The following BLM variants were observed in gnomAD, a reference collection of about 807,000 sequenced individuals.
The protein encoded by BLM is recQ-like DNA helicase BLM.
In BLM, 95 loss-of-function variants were observed where a neutral mutation model predicts 135.3. The ratio of observed to expected loss-of-function variants is 0.70; its 90% confidence interval spans 0.59 to 0.83. The LOEUF is 0.83. Ranked by LOEUF, BLM falls within the 40% of genes least tolerant of loss-of-function variation. The pLI, the probability that BLM is intolerant of heterozygous loss-of-function variation, is 0.00. For synonymous variants in BLM, 520 were observed against 589.2 expected, an observed-to-expected ratio of 0.88 and a Z score of 1.70; for missense variants, 1,518 against 1,663.9, an observed-to-expected ratio of 0.91 and a Z score of 1.53.
intron 5 of BLM, among the ~76,000 whole-genome samples, chr15:90,758,425 T>G (rs1357731282): frequency 6.6e-6 from 1 of 152,148 alleles, no homozygotes; most frequent in African/African-American, 2.4e-5. Context: ...AAACGGAGGT[T>G]GCAGTAAGCC....
At position 90,765,386 on chromosome 15, in the gene BLM, A is replaced by G. The variant is rs1896096525; in HGVS notation, c.2165A>G (p.Asp722Gly). The G allele has an allele frequency of 1.9e-6, 3 of 1,611,766 alleles. No individual in the cohort carries two copies. The highest frequency in any genetic ancestry group is 1.7e-5 in the Admixed American group (1 of 60,024). The part of the protein sequence containing the change: ...VISPLRSLIV[D>G]QVQKLTSLDI... ...TCTCCCTTGAGATCACTTATCGTAG[A>G]TCAAGTCCAAAAGCTGACTTCCTTG... The change falls in exon 9 of 22, where the codon GAT (aspartate) becomes GGT (glycine). Residue 722 changes from aspartate to glycine, a missense_variant. By Grantham distance (94) the Asp-to-Gly change is moderately conservative (BLOSUM62 -1). Transcript: ENST00000355112.
intron 20 of BLM, 50 bp downstream of exon 20, chr15:90,809,309 G>T (rs764782002): frequency 6.2e-7 from 1 of 1,613,022 alleles, no homozygotes; most frequent in South Asian, 1.1e-5. Context: ...AATGTGAAGC[G>T]ACGCGTCTCA....
intron 1 of BLM, among the ~76,000 whole-genome samples, chr15:90,728,942 G>A (rs562495882): frequency 1.3e-5 from 2 of 152,050 alleles, no homozygotes; most frequent in South Asian, 2.1e-4. Context: ...CAGTTTGGGA[G>A]GCCAAGGTGG....
rs145938925 is a variant in BLM at position 90,728,110 on chromosome 15, T to TA, written c.-5+10671dup. ...TAGAGCAAGTGGTGCAATCACAGCT[T>TA]ACTGCAGCCTCAACCTCCTGGGCTC... On this transcript the variant is annotated intron_variant, in intron 1 of 21. Transcript: ENST00000355112. 8.7e-3 allele frequency among the ~76,000 whole-genome samples: 1,329 copies of TA among 152,188 alleles called. 67 individuals are homozygous for TA. In the East Asian group the frequency reaches 0.16, roughly 19 times the overall value.
At chr15:90,771,595 ATT>A (rs760752305) in intron 12 of BLM, among the ~76,000 whole-genome samples, 14,665 of 125,120 alleles carry the variant, frequency 0.12, 1,033 homozygotes, top group African/African-American at 0.32. Flanking sequence ...TTGATCTATA[ATT>A]TTTTTTTTTT....
rs1895536471 is a variant in BLM, at chr15:90,747,503, A to G, written c.98+13A>G. 1 of 1,553,190 alleles carries G rather than the reference A, an allele frequency of 6.4e-7. No individual in the cohort carries two copies. The highest frequency in any genetic ancestry group is 8.8e-7 in the Non-Finnish European group (1 of 1,131,154). ...AACCAAAATTTTCGTAAGTGTTTTG[A>G]CTGGTTTGCTGTCACATAGGCACTA... is the stretch of plus-strand genomic sequence containing the variant. On this transcript the variant is annotated intron_variant, in intron 2 of 21. Transcript: ENST00000355112.
At chr15:90,780,004 A>G (rs977942236) in intron 12 of BLM, among the ~76,000 whole-genome samples, 10 of 151,910 alleles carry the variant, frequency 6.6e-5, no homozygotes, top group Non-Finnish European at 1.0e-4. Context: ...GATGAAAAGT[A>G]GGATTGGTTT....
rs774551420 is a variant in BLM, at chr15:90,761,097, C to T, written c.1724C>T (p.Ala575Val). ...TGGGAAGACATAATGCATAATTTAG[C>T]AGCCAGCAAATCTTCCACAGCTGCC... ...DDWEDIMHNL[A>V]ASKSSTAAYQ... Residue 575 changes from alanine (A) to valine (V), a missense_variant, in exon 7 of 22, where the codon GCA (alanine) becomes GTA (valine). Coordinates refer to ENST00000355112, the MANE Select transcript of BLM (RefSeq NM_000057.4). The T allele has an allele frequency of 6.5e-7, 1 of 1,549,624 alleles. No homozygotes were observed. Among genetic ancestry groups the T allele is most frequent in the Non-Finnish European group, 8.7e-7 (1 of 1,152,916 alleles).
intron 1 of BLM, among the ~76,000 whole-genome samples, chr15:90,725,781 G>A (rs1030463093): frequency 1.3e-5 from 2 of 151,718 alleles, no homozygotes; most frequent in African/African-American, 2.4e-5. Flanking sequence ...AAAGTGCTGG[G>A]ATTACAGGCG....
Position 90,769,511 on chromosome 15 carries a change from T to C in BLM, c.2480T>C (p.Met827Thr), listed in dbSNP as rs748250819. 6.8e-6 allele frequency: 11 copies of C among 1,613,994 alleles called. No homozygotes were observed. Among genetic ancestry groups the C allele is most frequent in the Non-Finnish European group, 7.6e-6 (9 of 1,179,870 alleles). Residue 827 changes from methionine to threonine, a missense_variant, in exon 12 of 22, where the codon ATG becomes ACG. Met to Thr is a moderately conservative substitution (Grantham distance 81). This residue lies in a region of BLM where 626 missense variants were observed against 681.1 expected (regional missense o/e 0.92). Transcript: ENST00000355112. ...LRQKFPSVPV[M>T]ALTATANPRV... is the part of the protein sequence containing the mutation. ...CAGAAGTTTCCTTCTGTTCCGGTGA[T>C]GGCTCTTACGGCCACAGCTAATCCC...
rs767086502 is a variant in BLM at position 90,769,553 on chromosome 15, T to C, written c.2522T>C (p.Ile841Thr). Residue 841 changes from isoleucine (I) to threonine (T), a missense_variant, in exon 12 of 22, where the codon ATC becomes ACC. Coordinates refer to ENST00000355112, the MANE Select transcript of BLM (RefSeq NM_000057.4). ...GCTAATCCCAGGGTACAGAAGGACATCCTGACTCAGCTGAAGATTCTCAGA... is the reference window on the plus strand; with the variant it reads ...GCTAATCCCAGGGTACAGAAGGACACCCTGACTCAGCTGAAGATTCTCAGA... ...ATANPRVQKD[I>T]LTQLKILRPQ... 2.5e-6 allele frequency: 4 copies of C among 1,614,070 alleles called. No individual in the cohort carries two copies. The South Asian group carries it at 4.4e-5, about 18-fold the overall frequency.
chr15:90,774,536 A>G (rs1166756077), intron 12 of BLM, among the ~76,000 whole-genome samples: 1 of 152,028 alleles, frequency 6.6e-6, no homozygotes, highest in Non-Finnish European at 1.5e-5. Context: ...AGTTTCTGTT[A>G]TAAAAGTACA....
chr15:90,756,419 C>T (rs1172273428), intron 5 of BLM, among the ~76,000 whole-genome samples: 1 of 152,196 alleles, frequency 6.6e-6, no homozygotes, highest in African/African-American at 2.4e-5. Context: ...AAGGTAGTTT[C>T]TGTTATCCCC....
At chr15:90,754,235 A>G (rs1403595840) in intron 4 of BLM, among the ~76,000 whole-genome samples, 3 of 152,114 alleles carry the variant, frequency 2.0e-5, no homozygotes, top group African/African-American at 7.2e-5. Flanking sequence ...TTTGTAAAGT[A>G]TTTTTTCTAT....
chr15:90,806,958 A>C (rs1282996535), intron 19 of BLM, among the ~76,000 whole-genome samples: 1 of 152,222 alleles, frequency 6.6e-6, no homozygotes, highest in Non-Finnish European at 1.5e-5. Flanking sequence ...TTAGACATTG[A>C]TTTTTATTAT....
Position 90,804,215 on chromosome 15 carries a change from G to C in BLM, c.3607G>C (p.Ala1203Pro), listed in dbSNP as rs1335563585. The part of the protein sequence containing the change: ...ENSSSVKKQK[A>P]LVAKVSQREE... ...TTCCAGCAGTGTGAAAAAACAAAAA[G>C]CGTTAGTAGCAAAAGTGTCTCAGAG... Residue 1203 changes from alanine (A) to proline (P), a missense_variant, in exon 19 of 22, where the codon GCG (alanine) becomes CCG (proline). Physicochemically the swap from Ala to Pro is conservative, Grantham distance 27 (BLOSUM62 -1). This residue lies in a region of BLM where 626 missense variants were observed against 681.1 expected (regional missense o/e 0.92). Coordinates refer to ENST00000355112, the MANE Select transcript of BLM (RefSeq NM_000057.4). 2 of 1,613,970 alleles carry C rather than the reference G, an allele frequency of 1.2e-6. No individual in the cohort carries two copies. The highest frequency in any genetic ancestry group is 2.2e-5 in the East Asian group (1 of 44,896).
intron 13 of BLM, among the ~76,000 whole-genome samples, chr15:90,783,260 C>T (rs1428461994): frequency 2.0e-5 from 3 of 152,156 alleles, no homozygotes; most frequent in African/African-American, 7.2e-5. Flanking sequence ...AGCCTGTCTG[C>T]CTTTGCATTA....
rs2151165875 is a variant in BLM, at chr15:90,769,250, A to G, written c.2406+19A>G. 2 of 1,583,566 alleles carry G rather than the reference A, an allele frequency of 1.3e-6. No individual in the cohort carries two copies. The highest frequency in any genetic ancestry group is 1.7e-6 in the Non-Finnish European group (2 of 1,152,204). On this transcript the variant is annotated intron_variant, in intron 11 of 21. Coordinates refer to ENST00000355112, the MANE Select transcript of BLM (RefSeq NM_000057.4). ...CAGTCAGGTAAATACTGTTTTTTATATCCGGAAATACCGATAAATACATAC... is the reference window on the plus strand; with the variant it reads ...CAGTCAGGTAAATACTGTTTTTTATGTCCGGAAATACCGATAAATACATAC...
chr15:90,754,964 A>G (rs373303187), intron 5 of BLM, 26 bp downstream of exon 5: 23 of 1,612,548 alleles, frequency 1.4e-5, no homozygotes, highest in Non-Finnish European at 1.6e-5. Flanking sequence ...TAGACATACC[A>G]TGTATTTCAA....
Sources: allele counts gnomAD v4.1 joint callset (sites outside exome capture counted in the v4.1 genomes callset), GRCh38; gene constraint gnomAD v4.1.1; regional missense constraint gnomAD v4.1.1; transcripts MANE v1.5; gene names NCBI Gene and HGNC (gene_info 2026-07-23, HGNC 2026-07-21).